The following MYT1L variants were observed in gnomAD, a reference collection of about 807,000 sequenced individuals.
MYT1L encodes the protein myelin transcription factor 1 like, also known as myelin transcription factor 1-like protein.
A neutral mutation model predicts 126.7 loss-of-function variants in MYT1L; 12 were observed. The observed-to-expected ratio is 0.09, with a 90% CI of 0.06 to 0.15. The LOEUF (loss-of-function observed/expected upper bound fraction) is 0.15. Among genes scored for constraint, MYT1L ranks in the 10% least tolerant of loss-of-function variants. The probability of loss-of-function intolerance (pLI) is 1.00; values close to 1 mark genes in which losing one functional copy is unlikely to be tolerated. For missense variants in MYT1L, 979 were observed against 1,585.2 expected (o/e 0.62, Z 6.49); for synonymous variants, 541 against 604.2 (o/e 0.90, Z 1.53).
chr2:1,937,653 G>A (rs553328672), intron 9 of MYT1L, among the ~76,000 whole-genome samples: 26 of 148,538 alleles, frequency 1.8e-4, no homozygotes, highest in Non-Finnish European at 2.8e-4. Context: ...CCTAACATCC[G>A]CGGCCATCAG....
chr2:2,327,742 C>A (rs895763337), intron 1 of MYT1L, among the ~76,000 whole-genome samples: 11 of 152,118 alleles, frequency 7.2e-5, no homozygotes, highest in African/African-American at 2.7e-4. Flanking sequence ...GGACACCCAG[C>A]CAAACCAAAC....
chr2:2,054,533 G>A lies in MYT1L; in HGVS notation c.-303-410C>T, dbSNP rs553240419. ...ACACAGAGATGAGATCCATGGGGAT[G>A]ATAAGACACGTGGAGATGAGACAGA... is the stretch of plus-strand genomic sequence containing the variant. On this transcript the variant is annotated intron_variant, in intron 3 of 24. Transcript: ENST00000647738. Among the ~76,000 whole-genome samples, 5 of 152,164 alleles carry A rather than the reference G, an allele frequency of 3.3e-5. No homozygotes were observed. In the South Asian group the frequency reaches 1.0e-3, roughly 32 times the overall value.
At chr2:2,268,104 T>A (rs956489530) in intron 2 of MYT1L, among the ~76,000 whole-genome samples, 1 of 152,206 alleles carries the variant, frequency 6.6e-6, no homozygotes, top group Non-Finnish European at 1.5e-5. Flanking sequence ...AACAAGGTCA[T>A]TTTCCAATTC....
intron 14 of MYT1L, among the ~76,000 whole-genome samples, chr2:1,895,493 A>G (rs1451169915): frequency 6.6e-6 from 1 of 152,232 alleles, no homozygotes; most frequent in Non-Finnish European, 1.5e-5. Context: ...ATAGCTTGGT[A>G]CTGGTGTAAA....
intron 18 of MYT1L, among the ~76,000 whole-genome samples, chr2:1,868,962 C>T (rs1208049394): frequency 6.6e-6 from 1 of 152,196 alleles, no homozygotes; most frequent in Admixed American, 6.5e-5. Flanking sequence ...TTAACCAGCC[C>T]TCAGCAGAGA....
At chr2:1,906,360 T>C (rs1422348588) in intron 13 of MYT1L, among the ~76,000 whole-genome samples, 1 of 152,220 alleles carries the variant, frequency 6.6e-6, no homozygotes, top group Non-Finnish European at 1.5e-5. Context: ...ACTATTTAAC[T>C]ATTTTCCAAC....
At chr2:2,111,402 G>C (rs1214860930) in intron 3 of MYT1L, among the ~76,000 whole-genome samples, 2 of 152,194 alleles carry the variant, frequency 1.3e-5, no homozygotes, top group Non-Finnish European at 2.9e-5. Context: ...TGGACGAGAG[G>C]GAAGTGGTAA....
intron 3 of MYT1L, among the ~76,000 whole-genome samples, chr2:2,054,997 T>C (rs1488173279): frequency 6.6e-6 from 1 of 152,142 alleles, no homozygotes; most frequent in African/African-American, 2.4e-5. Context: ...GGAGATAAGA[T>C]GAGAGGGATG....
intron 1 of MYT1L, among the ~76,000 whole-genome samples, chr2:2,286,097 C>G (rs959255513): frequency 2.0e-5 from 3 of 152,176 alleles, no homozygotes; most frequent in Non-Finnish European, 2.9e-5. Flanking sequence ...ATACTCCTGC[C>G]TCAGCCTTGT....
At chr2:2,129,408 G>GA (rs892964342) in intron 3 of MYT1L, among the ~76,000 whole-genome samples, 1 of 152,172 alleles carries the variant, frequency 6.6e-6, no homozygotes, top group Non-Finnish European at 1.5e-5. Flanking sequence ...ATAGAAATGG[G>GA]AAAAAACAGT....
intron 2 of MYT1L, among the ~76,000 whole-genome samples, chr2:2,223,994 C>T (rs2093949209): frequency 6.6e-6 from 1 of 152,114 alleles, no homozygotes; most frequent in African/African-American, 2.4e-5. Flanking sequence ...GTTGCTTTGA[C>T]TGAGTTGACA....
chr2:1,854,811 C>T (rs917633014), intron 18 of MYT1L, among the ~76,000 whole-genome samples: 2 of 152,196 alleles, frequency 1.3e-5, no homozygotes, highest in East Asian at 3.9e-4. Context: ...CTGGGCCTGA[C>T]GTCGTCTCCT....
chr2:2,326,419 C>G (rs1276078926), intron 1 of MYT1L: 6 of 152,258 alleles, frequency 3.9e-5, no homozygotes, highest in Non-Finnish European at 8.8e-5. Flanking sequence ...TTACTGGTTA[C>G]TATAGAGGCT....
intron 3 of MYT1L, among the ~76,000 whole-genome samples, chr2:2,132,147 T>A (rs2082451540): frequency 6.6e-6 from 1 of 151,386 alleles, no homozygotes; most frequent in Non-Finnish European, 1.5e-5. Context: ...GATCTCATGA[T>A]CTGCCCACCT....
intron 12 of MYT1L, among the ~76,000 whole-genome samples, chr2:1,911,531 T>C (rs1454945775): frequency 2.0e-5 from 3 of 152,248 alleles, no homozygotes; most frequent in East Asian, 1.9e-4. Flanking sequence ...CAGAATCTAT[T>C]TCCCTGGCAC....
intron 5 of MYT1L, among the ~76,000 whole-genome samples, chr2:1,986,919 G>C (rs898350650): frequency 1.3e-5 from 2 of 152,166 alleles, no homozygotes; most frequent in African/African-American, 4.8e-5. Context: ...GGAATGGCTG[G>C]GCAGGAAGGC....
At chr2:2,014,007 G>A (rs2064106093) in intron 4 of MYT1L, among the ~76,000 whole-genome samples, 1 of 152,234 alleles carries the variant, frequency 6.6e-6, no homozygotes, top group South Asian at 2.1e-4. Flanking sequence ...GACCAGAAAT[G>A]TGGATGCCCA....
intron 21 of MYT1L, among the ~76,000 whole-genome samples, chr2:1,820,588 C>T (rs558359041): frequency 6.6e-6 from 1 of 152,132 alleles, no homozygotes; most frequent in African/African-American, 2.4e-5. Context: ...GCTGTTGTTA[C>T]CTAGGCTGGA....
intron 1 of MYT1L, among the ~76,000 whole-genome samples, chr2:2,292,780 C>T (rs147100689): frequency 2.4e-4 from 37 of 152,228 alleles, no homozygotes; most frequent in Admixed American, 1.4e-3. Flanking sequence ...AGGAATCAGA[C>T]GTATTGGATA....
Sources: gnomAD v4.1 joint callset for allele counts (sites outside exome capture counted in the v4.1 genomes callset) on GRCh38, gnomAD v4.1.1 for gene constraint, MANE v1.5 for transcripts, NCBI Gene and HGNC (gene_info 2026-07-23, HGNC 2026-07-21) for gene names.